CSMD1: variants seen among roughly 807,000 people sequenced by gnomAD.
CSMD1 encodes the protein CUB and Sushi multiple domains 1.
A neutral mutation model predicts 417.5 loss-of-function variants in CSMD1; 213 were observed. That is an observed-to-expected ratio of 0.51 (90% confidence interval 0.46 to 0.57). The LOEUF (loss-of-function observed/expected upper bound fraction) is 0.57. Ranked by LOEUF, CSMD1 falls within the 20% of genes least tolerant of loss-of-function variation. CSMD1 has a pLI of 0.00. For missense variants in CSMD1, 6,923 were observed against 4,529.7 expected (o/e 1.53, Z -15.17); for synonymous variants, 2,862 against 1,736.8 (o/e 1.65, Z -16.11).
chr8:4,209,700 C>T (rs1464372125), intron 3 of CSMD1, among the ~76,000 whole-genome samples: 1 of 152,198 alleles, frequency 6.6e-6, no homozygotes, highest in Non-Finnish European at 1.5e-5. Context: ...TGGTGTCACA[C>T]AGCAACTTTT....
chr8:4,984,474 T>C (rs1438569361), intron 1 of CSMD1, among the ~76,000 whole-genome samples: 2 of 152,170 alleles, frequency 1.3e-5, no homozygotes, highest in African/African-American at 2.4e-5. Context: ...TATAGGACCA[T>C]TTACCTGCTT....
intron 5 of CSMD1, among the ~76,000 whole-genome samples, chr8:3,994,498 T>C (rs1585098064): frequency 7.2e-6 from 1 of 139,318 alleles, no homozygotes; most frequent in Admixed American, 7.2e-5. Flanking sequence ...ACTACACAAA[T>C]CCTTCCTAAT....
intron 11 of CSMD1, among the ~76,000 whole-genome samples, chr8:3,478,614 C>T (rs1182794060): frequency 6.6e-6 from 1 of 152,174 alleles, no homozygotes; most frequent in East Asian, 1.9e-4. Flanking sequence ...CTCCGACTTG[C>T]TGTTTTCCAC....
chr8:3,870,889 G>A (rs192879481), intron 5 of CSMD1, among the ~76,000 whole-genome samples: 60 of 151,890 alleles, frequency 4.0e-4, no homozygotes, highest in East Asian at 9.7e-4. Context: ...TTAATGTTCC[G>A]TTTGCTAGCT....
At chr8:3,696,339 C>T (rs1800550866) in intron 7 of CSMD1, among the ~76,000 whole-genome samples, 1 of 152,164 alleles carries the variant, frequency 6.6e-6, no homozygotes, top group South Asian at 2.1e-4. Flanking sequence ...ACTAATTACC[C>T]AATGTGTTCA....
intron 1 of CSMD1, among the ~76,000 whole-genome samples, chr8:4,890,666 G>A (rs1804057495): frequency 6.6e-6 from 1 of 151,604 alleles, no homozygotes; most frequent in Non-Finnish European, 1.5e-5. Context: ...ATGAGAGCGT[G>A]TGACTCCGAC....
intron 5 of CSMD1, among the ~76,000 whole-genome samples, chr8:3,821,297 C>G (rs987210122): frequency 6.6e-6 from 1 of 152,194 alleles, no homozygotes; most frequent in Admixed American, 6.5e-5. Context: ...TAACCAGCAA[C>G]ACAGTCATTA....
At chr8:4,660,488 C>T (rs189858902) in intron 1 of CSMD1, among the ~76,000 whole-genome samples, 7 of 152,088 alleles carry the variant, frequency 4.6e-5, no homozygotes, top group Admixed American at 4.6e-4. Flanking sequence ...CATTACAAAT[C>T]CTAACCCAAC....
chr8:3,382,240 G>C (rs964579001), intron 18 of CSMD1, among the ~76,000 whole-genome samples: 2 of 151,302 alleles, frequency 1.3e-5, no homozygotes, highest in African/African-American at 2.4e-5. Context: ...GCAGGAAAGG[G>C]AAAAAGTTAT....
intron 3 of CSMD1, among the ~76,000 whole-genome samples, chr8:4,067,181 C>G (rs186968109): frequency 6.6e-6 from 1 of 152,308 alleles, no homozygotes. Flanking sequence ...GGGTGAAAGG[C>G]TATCCTCCGT....
rs532074274 is a variant in CSMD1 at position 4,908,072 on chromosome 8, T to A, written c.85+86260A>T. ...TAGTTTTCCATTAATTTAAGGTGGT[T>A]TTCTTTCTCCATGGAAGTCGTCTAT... On this transcript the variant is annotated intron_variant, in intron 1 of 69. Coordinates refer to ENST00000635120, the MANE Select transcript of CSMD1 (RefSeq NM_033225.6). 1.4e-4 allele frequency among the ~76,000 whole-genome samples: 21 copies of A among 152,322 alleles called. No individual in the cohort carries two copies. The South Asian group carries it at 4.1e-3, about 30-fold the overall frequency.
At chr8:4,345,820 G>T (rs1404432617) in intron 3 of CSMD1, among the ~76,000 whole-genome samples, 1 of 152,076 alleles carries the variant, frequency 6.6e-6, no homozygotes, top group African/African-American at 2.4e-5. Context: ...TCACAGGGAG[G>T]TCATCCCGAG....
intron 5 of CSMD1, among the ~76,000 whole-genome samples, chr8:3,823,751 T>C (rs79340279): frequency 5.3e-5 from 8 of 152,152 alleles, no homozygotes; most frequent in Non-Finnish European, 1.0e-4. Flanking sequence ...TAAACTTATA[T>C]GTTTTTCTCT....
rs1301039503 is a variant in CSMD1, at chr8:3,214,603, G to T, written c.4761C>A (p.Thr1587=). 2 of 1,565,766 alleles carry T rather than the reference G, an allele frequency of 1.3e-6. No individual in the cohort carries two copies. Among genetic ancestry groups the T allele is most frequent in the African/African-American group, 1.4e-5 (1 of 73,888 alleles). Residue 1587 remains threonine (T), a synonymous_variant, in exon 30 of 70, where the codon ACC becomes ACA. Coordinates refer to ENST00000635120, the MANE Select transcript of CSMD1 (RefSeq NM_033225.6). ...GTDFKLGSTI[T]YQCDSGYKIL... Reference sequence around the variant, plus strand: ...TCTTATAGCCAGAGTCACACTGGTAGGTGATGGTGGAGCCAAGCTTGAAGT... The same window carrying T: ...TCTTATAGCCAGAGTCACACTGGTATGTGATGGTGGAGCCAAGCTTGAAGT...
intron 3 of CSMD1, among the ~76,000 whole-genome samples, chr8:4,079,897 C>T (rs1011811943): frequency 1.3e-5 from 2 of 152,166 alleles, no homozygotes; most frequent in East Asian, 1.9e-4. Flanking sequence ...GGCAGAAGGG[C>T]CATATTCTTG....
intron 10 of CSMD1, among the ~76,000 whole-genome samples, chr8:3,521,505 T>C (rs1797507271): frequency 6.6e-6 from 1 of 152,182 alleles, no homozygotes; most frequent in Non-Finnish European, 1.5e-5. Flanking sequence ...CCGGTCCCTG[T>C]ATTACAATGA....
At chr8:4,916,933 G>C (rs1432968571) in intron 1 of CSMD1, among the ~76,000 whole-genome samples, 1 of 152,176 alleles carries the variant, frequency 6.6e-6, no homozygotes, top group Non-Finnish European at 1.5e-5. Flanking sequence ...TGTCAACAGG[G>C]TGTGAGACAT....
chr8:4,727,412 C>T (rs971810665), intron 1 of CSMD1, among the ~76,000 whole-genome samples: 2 of 152,130 alleles, frequency 1.3e-5, no homozygotes, highest in African/African-American at 2.4e-5. Flanking sequence ...AAGTGCACTA[C>T]CCATAAGTCA....
At chr8:4,591,450 G>A (rs571071372) in intron 2 of CSMD1, among the ~76,000 whole-genome samples, 1 of 152,202 alleles carries the variant, frequency 6.6e-6, no homozygotes, top group Non-Finnish European at 1.5e-5. Flanking sequence ...AAGCTGTTGA[G>A]CAAAAGCAAA....
Sources: allele counts gnomAD v4.1 joint callset (sites outside exome capture counted in the v4.1 genomes callset), GRCh38; gene constraint gnomAD v4.1.1; transcripts MANE v1.5; gene names NCBI Gene and HGNC (gene_info 2026-07-23, HGNC 2026-07-21).